SLC16A7: variants seen among roughly 807,000 people sequenced by gnomAD.
SLC16A7 encodes solute carrier family 16 member 7.
A neutral mutation model predicts 34.9 loss-of-function variants in SLC16A7; 33 were observed. The observed-to-expected ratio is 0.94, with a 90% CI of 0.72 to 1.26. SLC16A7 has a LOEUF of 1.26. SLC16A7 is among the 50% of genes most tolerant of loss of function. The probability of loss-of-function intolerance (pLI) is 0.00; values close to 1 mark genes in which losing one functional copy is unlikely to be tolerated. For synonymous variants in SLC16A7, 201 were observed against 206.6 expected, an observed-to-expected ratio of 0.97 and a Z score of 0.23; for missense variants, 573 against 578.1, an observed-to-expected ratio of 0.99 and a Z score of 0.09.
chr12:59,615,155 CAG>C (rs1879390794), intron 1 of SLC16A7, among the ~76,000 whole-genome samples: 1 of 152,132 alleles, frequency 6.6e-6, no homozygotes, highest in South Asian at 2.1e-4. Flanking sequence ...GAAGGAGAGA[CAG>C]GGCCTCTCAC....
chr12:59,609,996 A>G (rs772135907), intron 1 of SLC16A7, among the ~76,000 whole-genome samples: 2 of 152,140 alleles, frequency 1.3e-5, no homozygotes, highest in Non-Finnish European at 2.9e-5. Context: ...CAACCTCAGC[A>G]TCTCTATTAC....
chr12:59,636,504 GC>G (rs1026286624), intron 1 of SLC16A7, among the ~76,000 whole-genome samples: 1 of 151,954 alleles, frequency 6.6e-6, no homozygotes, highest in Admixed American at 6.6e-5. Context: ...TCACTGTGTT[GC>G]CCAGGTTGTA....
At chr12:59,601,114 GATAA>G (rs1263739733) in intron 1 of SLC16A7, among the ~76,000 whole-genome samples, 5 of 152,156 alleles carry the variant, frequency 3.3e-5, no homozygotes, top group African/African-American at 7.2e-5. Context: ...TATTTGTTTA[GATAA>G]ATAAAGATCC....
intron 1 of SLC16A7, among the ~76,000 whole-genome samples, chr12:59,650,663 A>G (rs74999023): frequency 0.012 from 1,822 of 152,234 alleles, 39 homozygotes; most frequent in African/African-American, 0.042. Flanking sequence ...ATCTATTCAC[A>G]TATAGTTATG....
chr12:59,771,307 GGCCTCCTTTAGTA>G lies in SLC16A7; in HGVS notation c.309_321del (p.Ser104AlafsTer15). ...TATTATGCTGTCTTGGAATGGTGTT[GGCCTCCTTTAGTA>G]GCAGCGTGGTACAGCTGTACCTCAC... is the stretch of plus-strand genomic sequence containing the variant. On this transcript the variant is annotated frameshift_variant, in exon 4 of 6. Coordinates refer to ENST00000547379, the MANE Select transcript of SLC16A7 (RefSeq NM_001270623.2). LOFTEE classifies it high-confidence loss of function. 1 of 1,613,030 alleles carries G rather than the reference GGCCTCCTTTAGTA, an allele frequency of 6.2e-7. No individual in the cohort carries two copies. Among genetic ancestry groups the G allele is most frequent in the East Asian group, 2.2e-5 (1 of 44,784 alleles).
At chr12:59,721,384 C>T (rs962439120) in intron 3 of SLC16A7, among the ~76,000 whole-genome samples, 3 of 151,926 alleles carry the variant, frequency 2.0e-5, no homozygotes, top group Admixed American at 1.3e-4. Flanking sequence ...GCCAACTATA[C>T]ACTTCCTTTC....
chr12:59,629,639 G>A (rs563271216), intron 1 of SLC16A7, among the ~76,000 whole-genome samples: 1 of 152,086 alleles, frequency 6.6e-6, no homozygotes, highest in South Asian at 2.1e-4. Flanking sequence ...GCACTTAAGA[G>A]GATGTGCCTA....
At chr12:59,658,968 G>C (rs1264747505) in intron 2 of SLC16A7, among the ~76,000 whole-genome samples, 1 of 151,914 alleles carries the variant, frequency 6.6e-6, no homozygotes, top group East Asian at 1.9e-4. Flanking sequence ...TAGATACAGG[G>C]GAACATTTCT....
At position 59,781,448 on chromosome 12, in the gene SLC16A7, T is replaced by C. The variant is rs911152939; in HGVS notation, c.*1769T>C. On this transcript the variant is annotated 3_prime_UTR_variant, in exon 6 of 6. Transcript: ENST00000547379. ...TTTGTAATAGTTAACATTAAACATT[T>C]GATTCATAAAGTTAATTCACTGCTT... 1 of 152,594 alleles carries C rather than the reference T, an allele frequency of 6.6e-6. No homozygotes were observed. Among genetic ancestry groups the C allele is most frequent in the Admixed American group, 6.6e-5 (1 of 15,254 alleles). 9.5% of individuals were successfully genotyped at this position (152,594 alleles called of 1,614,324 possible). A position where few individuals can be genotyped will look rare whatever the true frequency, so the allele number is the denominator to read the frequency against.
chr12:59,735,319 T>G (rs1414584807), intron 3 of SLC16A7, among the ~76,000 whole-genome samples: 1 of 152,200 alleles, frequency 6.6e-6, no homozygotes. Flanking sequence ...CATTTTCATG[T>G]GCTCTGACTG....
At chr12:59,752,449 G>T (rs915759324) in intron 3 of SLC16A7, among the ~76,000 whole-genome samples, 2 of 152,190 alleles carry the variant, frequency 1.3e-5, no homozygotes, top group Non-Finnish European at 2.9e-5. Flanking sequence ...CGAGAACTAC[G>T]TGAAAAATGC....
At chr12:59,629,997 A>G (rs1419642124) in intron 1 of SLC16A7, among the ~76,000 whole-genome samples, 3 of 151,910 alleles carry the variant, frequency 2.0e-5, no homozygotes, top group South Asian at 4.1e-4. Flanking sequence ...TATTCTATGC[A>G]GTAGGTACAA....
intron 2 of SLC16A7, among the ~76,000 whole-genome samples, chr12:59,671,811 ATATATATGTGTATATGTATATATG>A (rs1456813159): frequency 2.2e-5 from 3 of 133,650 alleles, no homozygotes; most frequent in Admixed American, 7.5e-5. Context: ...ATATATGTGT[ATATATATGTGTATATGTATATATG>A]TATATATGTG....
At chr12:59,750,869 AC>A (rs2137326396) in intron 3 of SLC16A7, among the ~76,000 whole-genome samples, 1 of 152,342 alleles carries the variant, frequency 6.6e-6, no homozygotes, top group Non-Finnish European at 1.5e-5. Flanking sequence ...ACCATGGAAT[AC>A]TATGTAGCCA....
chr12:59,750,248 CA>C (rs1454838601), intron 3 of SLC16A7, among the ~76,000 whole-genome samples: 6 of 152,000 alleles, frequency 3.9e-5, no homozygotes, highest in African/African-American at 1.4e-4. Context: ...TTCTGCACAG[CA>C]AAAGAAACTA....
chr12:59,768,092 T>TA (rs1565710820), intron 3 of SLC16A7: 1 of 448,222 alleles, frequency 2.2e-6, no homozygotes, highest in South Asian at 1.6e-5. Flanking sequence ...TAAAGCATAA[T>TA]AAAAAAATTT....
intron 1 of SLC16A7, among the ~76,000 whole-genome samples, chr12:59,618,125 A>T (rs570241428): frequency 9.2e-4 from 140 of 151,852 alleles, no homozygotes; most frequent in African/African-American, 3.4e-3. Context: ...TGATATCTTT[A>T]TCCCAAATTA....
intron 2 of SLC16A7, among the ~76,000 whole-genome samples, chr12:59,660,088 T>G (rs987653899): frequency 3.9e-5 from 6 of 152,190 alleles, no homozygotes; most frequent in African/African-American, 1.2e-4. Flanking sequence ...TGCTTTTGCT[T>G]CTTCTTCTTC....
At chr12:59,660,277 A>G (rs1268487499) in intron 2 of SLC16A7, among the ~76,000 whole-genome samples, 1 of 152,062 alleles carries the variant, frequency 6.6e-6, no homozygotes, top group Non-Finnish European at 1.5e-5. Context: ...AGGGCAAAAG[A>G]GGTCCACGTC....
Sources: gnomAD v4.1 joint callset for allele counts (sites outside exome capture counted in the v4.1 genomes callset) on GRCh38, gnomAD v4.1.1 for gene constraint, MANE v1.5 for transcripts, NCBI Gene and HGNC (gene_info 2026-07-23, HGNC 2026-07-21) for gene names.